LRRFIP1: variants seen among roughly 807,000 people sequenced by gnomAD.
LRRFIP1 encodes the protein LRR binding FLII interacting protein 1, also known as leucine-rich repeat flightless-interacting protein 1.
A neutral mutation model predicts 104.4 loss-of-function variants in LRRFIP1; 62 were observed. The ratio of observed to expected loss-of-function variants is 0.59; its 90% confidence interval spans 0.48 to 0.73. The LOEUF (loss-of-function observed/expected upper bound fraction) is 0.73, where lower values mean the gene tolerates loss of function less well. Ranked by LOEUF, LRRFIP1 falls within the 30% of genes least tolerant of loss-of-function variation. The probability of loss-of-function intolerance (pLI) is 0.00; values close to 1 mark genes in which losing one functional copy is unlikely to be tolerated. For missense variants in LRRFIP1, 796 were observed against 824.5 expected (o/e 0.97, Z 0.42); for synonymous variants, 300 against 299.0 (o/e 1.00, Z -0.03).
intron 1 of LRRFIP1, among the ~76,000 whole-genome samples, chr2:237,702,891 T>C (rs2093614245): frequency 6.6e-6 from 1 of 152,048 alleles, no homozygotes; most frequent in African/African-American, 2.4e-5. Context: ...TTATAGCCGT[T>C]TACACCCCAC....
chr2:237,692,630 G>T, intron 1 of LRRFIP1: 7 of 1,326,532 alleles, frequency 5.3e-6, no homozygotes, highest in Non-Finnish European at 6.9e-6. Flanking sequence ...GGAGGCGTGG[G>T]GTGGGCTCTG....
intron 1 of LRRFIP1, among the ~76,000 whole-genome samples, chr2:237,670,651 T>A (rs2090188645): frequency 6.6e-6 from 1 of 152,216 alleles, no homozygotes; most frequent in Non-Finnish European, 1.5e-5. Context: ...CAGCACTCGG[T>A]GGCAGTCTAA....
chr2:237,749,952 A>G (rs1177598691), intron 13 of LRRFIP1, among the ~76,000 whole-genome samples: 1 of 152,226 alleles, frequency 6.6e-6, no homozygotes, highest in African/African-American at 2.4e-5. Context: ...TGCATCTGAA[A>G]ACCTGAAGAC....
chr2:237,706,934 C>T (rs1363590810), intron 1 of LRRFIP1, among the ~76,000 whole-genome samples: 7 of 152,112 alleles, frequency 4.6e-5, no homozygotes, highest in Admixed American at 2.6e-4. Flanking sequence ...TAGCCTGGCC[C>T]CAAGAGGCCC....
intron 9 of LRRFIP1, 134 bp downstream of exon 9, chr2:237,733,952 T>C: frequency 2.2e-6 from 2 of 894,096 alleles, no homozygotes; most frequent in Non-Finnish European, 3.6e-6. Flanking sequence ...GGAGCTTACA[T>C]GTGCCAGTGG....
intron 1 of LRRFIP1, among the ~76,000 whole-genome samples, chr2:237,697,964 A>T (rs370719102): frequency 1.4e-4 from 22 of 152,264 alleles, no homozygotes; most frequent in Admixed American, 2.0e-4. Context: ...GTTCACTTGC[A>T]TGGAAGATAC....
chr2:237,754,871 A>G (rs1164027515), intron 15 of LRRFIP1, among the ~76,000 whole-genome samples: 5 of 152,182 alleles, frequency 3.3e-5, no homozygotes, highest in Non-Finnish European at 7.4e-5. Flanking sequence ...AGTGGACTGA[A>G]AACTCCCGAG....
chr2:237,729,945 T>C (rs2094928097), intron 8 of LRRFIP1: 1 of 493,984 alleles, frequency 2.0e-6, no homozygotes. Context: ...TCTTTCGGTG[T>C]CTGTTTGACG....
intron 22 of LRRFIP1, among the ~76,000 whole-genome samples, chr2:237,773,393 C>T (rs1031383324): frequency 6.6e-6 from 1 of 152,054 alleles, no homozygotes; most frequent in African/African-American, 2.4e-5. Context: ...CAAAAATTAG[C>T]CGGGCATGGT....
At chr2:237,768,779 A>G (rs2060396229) in intron 19 of LRRFIP1, 1 of 152,224 alleles carries the variant, frequency 6.6e-6, no homozygotes, top group Non-Finnish European at 1.5e-5. Context: ...TGGCTAGATG[A>G]TTTTTTAAAT....
chr2:237,641,995 C>T (rs2084048592), intron 1 of LRRFIP1, among the ~76,000 whole-genome samples: 1 of 152,138 alleles, frequency 6.6e-6, no homozygotes, highest in African/African-American at 2.4e-5. Flanking sequence ...AGACACTTCG[C>T]ACACCCATGA....
At chr2:237,759,988 TTTA>T in intron 18 of LRRFIP1, 73 bp from the exon 19 acceptor site, 1 of 1,418,914 alleles carries the variant, frequency 7.0e-7, no homozygotes, top group East Asian at 2.3e-5. Flanking sequence ...GGTTTTCTTT[TTTA>T]TTATTGTATT....
intron 1 of LRRFIP1, among the ~76,000 whole-genome samples, chr2:237,704,696 G>T (rs977761238): frequency 2.6e-5 from 4 of 152,294 alleles, no homozygotes; most frequent in South Asian, 4.1e-4. Context: ...GATCGTAAGG[G>T]GGGTAGATGT....
At chr2:237,636,389 G>T in intron 1 of LRRFIP1, among the ~76,000 whole-genome samples, 1 of 142,626 alleles carries the variant, frequency 7.0e-6, no homozygotes, top group African/African-American at 2.6e-5. Context: ...AATACTTCAA[G>T]GAAGATTCTT....
chr2:237,678,441 G>C (rs2091416687), intron 1 of LRRFIP1, among the ~76,000 whole-genome samples: 1 of 152,138 alleles, frequency 6.6e-6, no homozygotes, highest in Non-Finnish European at 1.5e-5. Flanking sequence ...ACAAATGTCA[G>C]CTCCCACATC....
At chr2:237,728,399 AAAC>A (rs1241400050) in intron 8 of LRRFIP1, among the ~76,000 whole-genome samples, 1 of 152,188 alleles carries the variant, frequency 6.6e-6, no homozygotes, top group Non-Finnish European at 1.5e-5. Flanking sequence ...AAGGAGAATA[AAAC>A]AATGCAGATG....
chr2:237,701,141 A>T (rs2093498457), intron 1 of LRRFIP1, among the ~76,000 whole-genome samples: 1 of 152,186 alleles, frequency 6.6e-6, no homozygotes, highest in African/African-American at 2.4e-5. Context: ...GGGCTTTTGA[A>T]GCAAGCTGCC....
intron 19 of LRRFIP1, chr2:237,763,965 A>C: frequency 6.2e-7 from 1 of 1,614,246 alleles, no homozygotes; most frequent in East Asian, 2.2e-5. Context: ...GAGAGGTGTG[A>C]GATGTCAGAA....
At chr2:237,774,883 T>C (rs1422484074) in intron 23 of LRRFIP1, among the ~76,000 whole-genome samples, 1 of 152,256 alleles carries the variant, frequency 6.6e-6, no homozygotes, top group African/African-American at 2.4e-5. Flanking sequence ...CAGGTCACCC[T>C]ATGGAGAGTG....
Sources: gnomAD v4.1 joint callset for allele counts (sites outside exome capture counted in the v4.1 genomes callset) on GRCh38, gnomAD v4.1.1 for gene constraint, MANE v1.5 for transcripts, NCBI Gene and HGNC (gene_info 2026-07-23, HGNC 2026-07-21) for gene names.